Variants in ZFHX4 observed in about 807,000 individuals in gnomAD.
ZFHX4 encodes zinc finger homeobox 4.
A neutral mutation model predicts 267.6 loss-of-function variants in ZFHX4; 56 were observed. That is an observed-to-expected ratio of 0.21 (90% CI 0.17 to 0.26). The LOEUF (loss-of-function observed/expected upper bound fraction) is 0.26. Ranked by LOEUF, ZFHX4 falls within the 10% of genes least tolerant of loss-of-function variation. The probability of loss-of-function intolerance (pLI) is 1.00; values close to 1 mark genes in which losing one functional copy is unlikely to be tolerated. For synonymous variants in ZFHX4, 1,778 were observed against 1,665.6 expected (o/e 1.07, Z -1.64); for missense variants, 4,332 against 4,420.0 (o/e 0.98, Z 0.56).
In ZFHX4 at chr8:76,863,596, G is replaced by C. The variant is rs749668865; in HGVS notation, c.9882G>C (p.Glu3294Asp). The C allele has an allele frequency of 6.2e-7, 1 of 1,613,592 alleles. No individual in the cohort carries two copies. Among genetic ancestry groups the C allele is most frequent in the Admixed American group, 1.7e-5 (1 of 59,978 alleles). ...ACTTCCCACCTGTCTGTGGCATGGA[G>C]AGCCTCTTTCCTTATGGCCCTACAA... ...GGYFPPVCGM[E>D]SLFPYGPTMP... Residue 3294 changes from glutamate to aspartate, a missense_variant, in exon 11 of 11, where the codon GAG (glutamate) becomes GAC (aspartate). Coordinates refer to ENST00000651372, the MANE Select transcript of ZFHX4 (RefSeq NM_024721.5).
chr8:76,731,301 A>G (rs1323950994), intron 3 of ZFHX4, among the ~76,000 whole-genome samples: 2 of 152,178 alleles, frequency 1.3e-5, no homozygotes, highest in African/African-American at 4.8e-5. Context: ...CAACTAAAAG[A>G]GAGTACAGTT....
At chr8:76,823,996 A>G (rs1811721349) in intron 4 of ZFHX4, among the ~76,000 whole-genome samples, 1 of 152,226 alleles carries the variant, frequency 6.6e-6, no homozygotes, top group Admixed American at 6.5e-5. Context: ...GGTGATAGCA[A>G]CTTACATTTC....
intron 3 of ZFHX4, among the ~76,000 whole-genome samples, chr8:76,729,998 GA>G (rs1808958195): frequency 6.6e-6 from 1 of 152,134 alleles, no homozygotes; most frequent in Non-Finnish European, 1.5e-5. Context: ...GTAACTGGGA[GA>G]AAAAAATTTT....
intron 3 of ZFHX4, among the ~76,000 whole-genome samples, chr8:76,725,700 G>A (rs190858750): frequency 7.8e-4 from 118 of 152,230 alleles, no homozygotes; most frequent in African/African-American, 2.0e-3. Context: ...TGATCAATGC[G>A]CAAACATCAG....
chr8:76,740,113 A>G (rs1028950427), intron 3 of ZFHX4, among the ~76,000 whole-genome samples: 1 of 152,058 alleles, frequency 6.6e-6, no homozygotes, highest in African/African-American at 2.4e-5. Context: ...AATAATATGA[A>G]CTTTATTTTG....
chr8:76,681,424 C>G lies in ZFHX4; in HGVS notation c.-243C>G, dbSNP rs1271879144. 2.5e-6 allele frequency: 1 copy of G among 398,622 alleles called. No homozygotes were observed. The highest frequency in any genetic ancestry group is 4.4e-6 in the Non-Finnish European group (1 of 226,034). 24.7% of individuals were successfully genotyped at this position (398,622 alleles called of 1,614,324 possible). On this transcript the variant is annotated 5_prime_UTR_variant, in exon 1 of 11. Transcript: ENST00000651372. ...CATGCTTTAACTCCTCCCGGACCCC[C>G]GAGGACCGCTCCATGCCCCCCACTT...
chr8:76,749,358 AAC>A (rs146982477), intron 3 of ZFHX4, among the ~76,000 whole-genome samples: 2,084 of 152,336 alleles, frequency 0.014, 46 homozygotes, highest in African/African-American at 0.047. Flanking sequence ...CTAGACAAGT[AAC>A]ACTGTTTCAT....
At chr8:76,823,813 A>C (rs903170712) in intron 4 of ZFHX4, among the ~76,000 whole-genome samples, 6 of 152,242 alleles carry the variant, frequency 3.9e-5, no homozygotes, top group African/African-American at 1.4e-4. Context: ...TAATTCACAA[A>C]ATAAATAACC....
At chr8:76,699,980 G>A (rs1808060249) in intron 1 of ZFHX4, among the ~76,000 whole-genome samples, 1 of 151,790 alleles carries the variant, frequency 6.6e-6, no homozygotes, top group Non-Finnish European at 1.5e-5. Context: ...TTAGATATAT[G>A]TGCCGTTTTC....
chr8:76,763,755 G>A (rs561599205), intron 3 of ZFHX4, among the ~76,000 whole-genome samples: 8 of 152,246 alleles, frequency 5.3e-5, no homozygotes, highest in Non-Finnish European at 8.8e-5. Flanking sequence ...AAGAAAAAAT[G>A]TGCTATAGGC....
At chr8:76,769,917 G>A (rs552438160) in intron 3 of ZFHX4, among the ~76,000 whole-genome samples, 2 of 152,222 alleles carry the variant, frequency 1.3e-5, no homozygotes, top group East Asian at 3.9e-4. Flanking sequence ...ATACTCATTT[G>A]TGGAATGAAA....
Position 76,851,387 on chromosome 8 carries a change from G to C in ZFHX4, c.4466G>C (p.Arg1489Thr). 1.2e-6 allele frequency: 2 copies of C among 1,613,870 alleles called. No homozygotes were observed. The highest frequency in any genetic ancestry group is 1.1e-5 in the South Asian group (1 of 91,060). ...DDHGLEQEME[R>T]EYEVDHEGKA... ...CATGGCCTAGAGCAGGAAATGGAGA[G>C]AGAGTATGAGGTGGACCACGAAGGG... Residue 1489 changes from arginine (R) to threonine (T), a missense_variant, in exon 10 of 11, where the codon AGA becomes ACA. Coordinates refer to ENST00000651372, the MANE Select transcript of ZFHX4 (RefSeq NM_024721.5).
chr8:76,854,840 G>C lies in ZFHX4; in HGVS notation c.7919G>C (p.Arg2640Pro), dbSNP rs1234666316. Residue 2640 changes from arginine to proline, a missense_variant, in exon 10 of 11, where the codon CGC (arginine) becomes CCC (proline). Around this residue, in one of 7 missense-constraint regions of ZFHX4, gnomAD observed 1,648 missense variants for 1,625.0 expected, o/e 1.01. Coordinates refer to ENST00000651372, the MANE Select transcript of ZFHX4 (RefSeq NM_024721.5). ...AGAAAAATGCTTGATCATATTGCCC[G>C]CGAAGTCGGGCTGAAAAAAAGGGTC... ...PTRKMLDHIA[R>P]EVGLKKRVVQ... The C allele has an allele frequency of 1.9e-6, 3 of 1,609,332 alleles. No homozygotes were observed. Among genetic ancestry groups the C allele is most frequent in the South Asian group, 1.1e-5 (1 of 90,048 alleles).
intron 1 of ZFHX4, among the ~76,000 whole-genome samples, chr8:76,687,363 TA>T (rs1807717073): frequency 6.6e-6 from 1 of 152,194 alleles, no homozygotes; most frequent in South Asian, 2.1e-4. Context: ...CATATGCAAA[TA>T]AATAGTTTCT....
chr8:76,823,313 A>C (rs1258446792), intron 4 of ZFHX4, among the ~76,000 whole-genome samples: 1 of 152,200 alleles, frequency 6.6e-6, no homozygotes, highest in South Asian at 2.1e-4. Flanking sequence ...GCTATGTCTC[A>C]GAAGCCATTT....
intron 4 of ZFHX4, among the ~76,000 whole-genome samples, chr8:76,799,357 T>C (rs1811060932): frequency 6.6e-6 from 1 of 152,200 alleles, no homozygotes; most frequent in Non-Finnish European, 1.5e-5. Flanking sequence ...GGCCACTGTG[T>C]GCATTCAAAA....
chr8:76,704,191 G>C lies in ZFHX4; in HGVS notation c.103G>C (p.Val35Leu). The C allele has an allele frequency of 6.2e-7, 1 of 1,614,042 alleles. No homozygotes were observed. The highest frequency in any genetic ancestry group is 8.5e-7 in the Non-Finnish European group (1 of 1,179,904). The change falls in exon 2 of 11, where the codon GTT (valine) becomes CTT (leucine). Residue 35 changes from valine to leucine, a missense_variant. Physicochemically the swap from Val to Leu is conservative, Grantham distance 32. Around this residue, in one of 7 missense-constraint regions of ZFHX4, gnomAD observed 1,195 missense variants for 1,173.6 expected, o/e 1.02. Transcript: ENST00000651372. ...ACTTGATAATGAGGTGCCAGAGAAA[G>C]TTGCAGGGATGGAGCCTGACAGGGA... ...TQLDNEVPEK[V>L]AGMEPDRENS...
At chr8:76,742,000 C>T (rs1294655675) in intron 3 of ZFHX4, among the ~76,000 whole-genome samples, 1 of 152,172 alleles carries the variant, frequency 6.6e-6, no homozygotes, top group Non-Finnish European at 1.5e-5. Flanking sequence ...ATAGTGTTCT[C>T]TCCAGTTGTA....
chr8:76,863,471 G>A lies in ZFHX4; in HGVS notation c.9757G>A (p.Asp3253Asn). The A allele has an allele frequency of 2.5e-6, 4 of 1,613,666 alleles. No individual in the cohort carries two copies. Among genetic ancestry groups the A allele is most frequent in the East Asian group, 2.2e-5 (1 of 44,872 alleles). ...LQALQNAIAGDPASFIGGQFL... is the reference protein window; with the variant it reads ...LQALQNAIAGNPASFIGGQFL... ...GGCATTACAGAATGCAATTGCTGGT[G>A]ACCCAGCTTCCTTTATAGGCGGACA... The change falls in exon 11 of 11, where the codon GAC (aspartate) becomes AAC (asparagine). Residue 3253 changes from aspartate (D) to asparagine (N), a missense_variant. By Grantham distance (23) the Asp-to-Asn change is conservative. This residue lies in a region of ZFHX4 where 1,648 missense variants were observed against 1,625.0 expected (regional missense o/e 1.01). Coordinates refer to ENST00000651372, the MANE Select transcript of ZFHX4 (RefSeq NM_024721.5).
Sources: allele counts gnomAD v4.1 joint callset (sites outside exome capture counted in the v4.1 genomes callset), GRCh38; gene constraint gnomAD v4.1.1; regional missense constraint gnomAD v4.1.1; transcripts MANE v1.5; gene names NCBI Gene and HGNC (gene_info 2026-07-23, HGNC 2026-07-21).